The following WDR27 variants were observed in gnomAD, a reference collection of about 807,000 sequenced individuals.
WDR27 encodes the protein WD repeat domain 27, also known as WD repeat-containing protein 27.
Under a neutral mutation model 114.4 loss-of-function variants are expected in WDR27, and 100 were observed. The ratio of observed to expected loss-of-function variants is 0.87; its 90% CI spans 0.74 to 1.03. The LOEUF (loss-of-function observed/expected upper bound fraction) is 1.03. Among genes scored for constraint, WDR27 ranks in the 50% least tolerant of loss-of-function variants. WDR27 has a pLI of 0.00. For synonymous variants in WDR27, 449 were observed against 423.1 expected (o/e 1.06, Z -0.75); for missense variants, 1,129 against 1,092.9 (o/e 1.03, Z -0.47).
chr6:169,691,172 G>A (rs961829387), intron 1 of WDR27, among the ~76,000 whole-genome samples: 3 of 152,044 alleles, frequency 2.0e-5, no homozygotes, highest in South Asian at 2.1e-4. Flanking sequence ...CCGAGATCGC[G>A]CCACTGCATT....
intron 7 of WDR27, 160 bp downstream of exon 7, chr6:169,665,326 G>T (rs938246428): frequency 2.1e-6 from 3 of 1,405,760 alleles, no homozygotes; most frequent in African/African-American, 2.9e-5. Context: ...AACCCACAGT[G>T]ACGCTGAGAC....
At chr6:169,681,946 A>AAGG (rs1261189482) in intron 2 of WDR27, among the ~76,000 whole-genome samples, 2 of 152,060 alleles carry the variant, frequency 1.3e-5, no homozygotes, top group African/African-American at 4.8e-5. Flanking sequence ...TCCCACCCAC[A>AAGG]GCAGATCATA....
intron 25 of WDR27, among the ~76,000 whole-genome samples, chr6:169,539,522 A>T (rs954095832): frequency 6.6e-6 from 1 of 152,170 alleles, no homozygotes; most frequent in Non-Finnish European, 1.5e-5. Context: ...ACTTAAAAAA[A>T]ACAAAACAAA....
At chr6:169,685,085 C>A (rs1782549565) in intron 2 of WDR27, among the ~76,000 whole-genome samples, 1 of 152,160 alleles carries the variant, frequency 6.6e-6, no homozygotes, top group African/African-American at 2.4e-5. Flanking sequence ...GAAGAAACCA[C>A]ACAGATACTA....
intron 23 of WDR27, among the ~76,000 whole-genome samples, chr6:169,596,633 AC>A (rs1806843833): frequency 6.6e-6 from 1 of 152,052 alleles, no homozygotes; most frequent in African/African-American, 2.4e-5. Context: ...ATTAAAAAAA[AC>A]TGTGATATCT....
chr6:169,630,031 A>G (rs899229100), intron 21 of WDR27, among the ~76,000 whole-genome samples: 1 of 152,152 alleles, frequency 6.6e-6, no homozygotes, highest in African/African-American at 2.4e-5. Flanking sequence ...CAAGAATGAC[A>G]ATGTTTAAGA....
chr6:169,464,467 G>A (rs909849783), intron 25 of WDR27, among the ~76,000 whole-genome samples: 3 of 152,068 alleles, frequency 2.0e-5, no homozygotes, highest in Admixed American at 2.0e-4. Flanking sequence ...CCAGAATTAG[G>A]GTTGGCAATG....
At chr6:169,670,410 G>T in intron 4 of WDR27, 159 bp downstream of exon 4, 1 of 709,702 alleles carries the variant, frequency 1.4e-6, no homozygotes, top group Non-Finnish European at 2.1e-6. Context: ...CCAATTGCAA[G>T]ATAAAGATAT....
At chr6:169,624,567 C>A (rs539215840) in intron 21 of WDR27, among the ~76,000 whole-genome samples, 36 of 152,314 alleles carry the variant, frequency 2.4e-4, no homozygotes, top group Non-Finnish European at 3.5e-4. Flanking sequence ...GGACCTAAAT[C>A]GAAAACAGCC....
At chr6:169,600,264 G>C (rs1050638499) in intron 23 of WDR27, among the ~76,000 whole-genome samples, 4 of 152,122 alleles carry the variant, frequency 2.6e-5, no homozygotes, top group Non-Finnish European at 4.4e-5. Flanking sequence ...CTGACTGTTA[G>C]AAGGAAAACT....
At chr6:169,651,663 C>T (rs573865812) in intron 14 of WDR27, among the ~76,000 whole-genome samples, 158 of 152,290 alleles carry the variant, frequency 1.0e-3, no homozygotes, top group African/African-American at 3.4e-3. Context: ...CCCTCACCTC[C>T]CGGGACCACC....
chr6:169,466,269 T>C (rs552882378), intron 25 of WDR27, among the ~76,000 whole-genome samples: 3 of 152,288 alleles, frequency 2.0e-5, no homozygotes, highest in African/African-American at 7.2e-5. Context: ...TGCCGTAGTA[T>C]TAGTCTGTTT....
chr6:169,571,809 G>GA (rs1445070564), intron 25 of WDR27, among the ~76,000 whole-genome samples: 172 of 152,332 alleles, frequency 1.1e-3, no homozygotes, highest in Non-Finnish European at 2.2e-3. Flanking sequence ...CTGGACTCCA[G>GA]CCTGGGTGAC....
Position 169,660,820 on chromosome 6 carries a change from G to A in WDR27, c.1026-54C>T, listed in dbSNP as rs1825870857. 7.1e-6 allele frequency: 11 copies of A among 1,542,506 alleles called. 1 individual carries two copies. In the Middle Eastern group the frequency reaches 5.1e-4, roughly 71 times the overall value. On this transcript the variant is annotated intron_variant, in intron 9 of 25. Coordinates refer to ENST00000448612, the MANE Select transcript of WDR27 (RefSeq NM_182552.5). ...CACAATAATCTTATTCCTGAAGGTTGGGCCCCACGTGCGCCCCCTGGCCTG... is the reference window on the plus strand; with the variant it reads ...CACAATAATCTTATTCCTGAAGGTTAGGCCCCACGTGCGCCCCCTGGCCTG...
intron 1 of WDR27, among the ~76,000 whole-genome samples, chr6:169,698,174 G>C (rs1165848279): frequency 6.6e-6 from 1 of 152,170 alleles, no homozygotes; most frequent in South Asian, 2.1e-4. Flanking sequence ...TCTGGCCCCA[G>C]TGTGCACGAG....
chr6:169,522,327 A>T lies in WDR27; in HGVS notation c.2645+50092T>A, dbSNP rs1794478492. 2.6e-5 allele frequency among the ~76,000 whole-genome samples: 4 copies of T among 152,102 alleles called. No individual in the cohort carries two copies. The South Asian group carries it at 8.3e-4, about 32-fold the overall frequency. On this transcript the variant is annotated intron_variant, in intron 25 of 25. Coordinates refer to ENST00000448612, the MANE Select transcript of WDR27 (RefSeq NM_182552.5). ...AACACCATAGCTCCCAAGTATATAA[A>T]CATTAATAAATCTAAAGGGAGAGAT...
chr6:169,687,957 G>A (rs1216563232), intron 2 of WDR27, among the ~76,000 whole-genome samples: 1 of 152,020 alleles, frequency 6.6e-6, no homozygotes, highest in Non-Finnish European at 1.5e-5. Context: ...AAAAGACATA[G>A]GAAAGAATCT....
At chr6:169,689,582 T>C (rs551030630) in intron 1 of WDR27, among the ~76,000 whole-genome samples, 94 of 152,344 alleles carry the variant, frequency 6.2e-4, no homozygotes, top group Non-Finnish European at 1.1e-3. Flanking sequence ...AGTGATTCAC[T>C]GGCTATGTTT....
At chr6:169,440,324 T>A in the WDR27 span, among the ~76,000 whole-genome samples, 8 of 152,210 alleles carry the variant, frequency 5.3e-5, no homozygotes, top group Admixed American at 1.3e-4. Flanking sequence ...TCTCACAGAA[T>A]TACTAAGAAG....
Sources: allele counts gnomAD v4.1 joint callset (sites outside exome capture counted in the v4.1 genomes callset), GRCh38; gene constraint gnomAD v4.1.1; transcripts MANE v1.5; gene names NCBI Gene and HGNC (gene_info 2026-07-23, HGNC 2026-07-21).